Variants in AMT observed in about 807,000 individuals in gnomAD.
The protein encoded by AMT is aminomethyltransferase, also known as aminomethyltransferase, mitochondrial.
AMT carries 24 observed loss-of-function variants against 39.5 expected under a neutral mutation model. The observed-to-expected ratio is 0.61, with a 90% CI of 0.44 to 0.86. The LOEUF (loss-of-function observed/expected upper bound fraction) is 0.86. Among genes scored for constraint, AMT ranks in the 40% least tolerant of loss-of-function variants. AMT has a pLI of 0.00. For missense variants in AMT, 501 were observed against 537.0 expected (o/e 0.93, Z 0.66); for synonymous variants, 210 against 212.1 (o/e 0.99, Z 0.09).
chr3:49,420,299 T>C lies in AMT; in HGVS notation c.383A>G (p.Asp128Gly), dbSNP rs765282744. Residue 128 changes from aspartate to glycine, a missense_variant, in exon 4 of 9, where the codon GAT becomes GGT. Asp to Gly is a moderately conservative substitution (Grantham distance 94, BLOSUM62 -1). Transcript: ENST00000273588. ...AGAAGTATTGGTTACAATCAAGTCA[T>C]CTAAGATGCCTCCAGCCTCGTTGGT... ...LFTNEAGGILDDLIVTNTSEG... is the reference protein window; with the variant it reads ...LFTNEAGGILGDLIVTNTSEG... 2.5e-6 allele frequency: 4 copies of C among 1,614,164 alleles called. No individual in the cohort carries two copies. The Admixed American group carries it at 5.0e-5, about 20-fold the overall frequency.
In AMT at chr3:49,417,869, C is replaced by T. The variant is rs765464808; in HGVS notation, c.982G>A (p.Ala328Thr). 1.2e-6 allele frequency: 2 copies of T among 1,614,054 alleles called. No homozygotes were observed. Among genetic ancestry groups the T allele is most frequent in the Admixed American group, 3.3e-5 (2 of 60,018 alleles). Residue 328 changes from alanine (A) to threonine (T), a missense_variant, in exon 8 of 9, where the codon GCC becomes ACC. By Grantham distance (58) the Ala-to-Thr change is moderately conservative. Coordinates refer to ENST00000273588, the MANE Select transcript of AMT (RefSeq NM_000481.4). ...RRRVGLMCEG[A>T]PMRAHSPILN... ...ATGGGACTGTGTGCCCGCATGGGGGCCCCCTCACACATCAACCCCACACGC... is the reference window on the plus strand; with the variant it reads ...ATGGGACTGTGTGCCCGCATGGGGGTCCCCTCACACATCAACCCCACACGC...
In AMT at chr3:49,422,272, C is replaced by T. The variant is rs2049119534; in HGVS notation, c.91-1G>A. On this transcript the variant is annotated splice_acceptor_variant, in intron 1 of 8. Transcript: ENST00000273588. LOFTEE classifies it high-confidence loss of function. ...AGAGCGGTGTCCTGCGGAGCACCTC[C>T]TGTGGGCGGCTGGGCTTAGTGCCAC... 2.5e-6 allele frequency: 4 copies of T among 1,613,806 alleles called. No individual in the cohort carries two copies. The highest frequency in any genetic ancestry group is 1.7e-5 in the Admixed American group (1 of 59,984).
rs1316093238 is a variant in AMT, at chr3:49,419,420, C to T, written c.551-15G>A. 2 of 1,612,886 alleles carry T rather than the reference C, an allele frequency of 1.2e-6. No homozygotes were observed. The highest frequency in any genetic ancestry group is 2.2e-5 in the East Asian group (1 of 44,856). ...TGCAGTGGGGCCTGGGCCCAGGGAG[C>T]CAGTGACCAAGTATCCAGGTCCCAG... On this transcript the variant is annotated splice_polypyrimidine_tract_variant and intron_variant, in intron 5 of 8. Transcript: ENST00000273588.
At position 49,417,814 on chromosome 3, in the gene AMT, C is replaced by G. The variant is rs1185248735; in HGVS notation, c.1033+4G>C. On this transcript the variant is annotated splice_donor_region_variant and intron_variant, in intron 8 of 8. Coordinates refer to ENST00000273588, the MANE Select transcript of AMT (RefSeq NM_000481.4). ...GGGTTTCCCAGCTTCCCTGGTCCAC[C>G]TACCAATCTTGGTACCCTCCATGTT... 1.2e-6 allele frequency: 2 copies of G among 1,614,014 alleles called. No individual in the cohort carries two copies. Among genetic ancestry groups the G allele is most frequent in the African/African-American group, 2.7e-5 (2 of 74,916 alleles).
rs759853191 is a variant in AMT, at chr3:49,422,429, C to T, written c.22G>A (p.Val8Met). The change falls in exon 1 of 9, where the codon GTG (valine) becomes ATG (methionine). Residue 8 changes from valine (V) to methionine (M), a missense_variant. Transcript: ENST00000273588. ...TGCAGGCGAAAGCCCAGACGGGCCA[C>T]CACACTTACAGCCCTCTGCATCGTC... MQRAVSV[V>M]ARLGFRLQAF... 5 of 1,613,584 alleles carry T rather than the reference C, an allele frequency of 3.1e-6. No individual in the cohort carries two copies. Among genetic ancestry groups the T allele is most frequent in the Admixed American group, 3.3e-5 (2 of 60,008 alleles).
rs2049081972 is a variant in AMT, at chr3:49,420,510, C to T, written c.340-168G>A. ...TGGGCCCAAGTCCAAGGTCTTTGAT[C>T]CTCATGCATCAAGTAAGTTTTCATC... On this transcript the variant is annotated intron_variant, in intron 3 of 8. Transcript: ENST00000273588. The T allele has an allele frequency of 5.2e-6, 5 of 958,804 alleles. No homozygotes were observed. In the South Asian group the frequency reaches 7.1e-5, roughly 14 times the overall value. The allele number at this position is 958,804 out of a possible 1,614,324, so 59.4% of individuals were successfully genotyped here.
At chr3:49,419,579 T>C in intron 5 of AMT, 131 bp downstream of exon 5, 1 of 1,436,420 alleles carries the variant, frequency 7.0e-7, no homozygotes, top group Non-Finnish European at 9.8e-7. Context: ...GAGGGCAAGA[T>C]ACAAAACTTA....
At position 49,417,319 on chromosome 3, in the gene AMT, G is replaced by C. The variant is rs368311082; in HGVS notation, c.*221C>G. ...TCAGTGGGATCATGGACTGAAACAA[G>C]ACATTGTGTGAGCTGGTCCGTCACT... On this transcript the variant is annotated 3_prime_UTR_variant, in exon 9 of 9. Coordinates refer to ENST00000273588, the MANE Select transcript of AMT (RefSeq NM_000481.4). 3 of 1,596,156 alleles carry C rather than the reference G, an allele frequency of 1.9e-6. No individual in the cohort carries two copies. In the African/African-American group the frequency reaches 4.0e-5, roughly 21 times the overall value.
In AMT at chr3:49,417,317, A is replaced by C. The variant is rs2049015363; in HGVS notation, c.*223T>G. 1 of 1,596,420 alleles carries C rather than the reference A, an allele frequency of 6.3e-7. No individual in the cohort carries two copies. The highest frequency in any genetic ancestry group is 1.7e-5 in the Admixed American group (1 of 59,906). The stretch of plus-strand genomic sequence containing the variant: ...GGTCAGTGGGATCATGGACTGAAAC[A>C]AGACATTGTGTGAGCTGGTCCGTCA... On this transcript the variant is annotated 3_prime_UTR_variant, in exon 9 of 9. Coordinates refer to ENST00000273588, the MANE Select transcript of AMT (RefSeq NM_000481.4).
rs764722691 is a variant in AMT at position 49,417,163 on chromosome 3, A to G, written c.*377T>C. On this transcript the variant is annotated 3_prime_UTR_variant, in exon 9 of 9. Transcript: ENST00000273588. ...ATTACCCTTTGCAATGTGAAAAACC[A>G]TGGTGAGGTAGGTTGGGCAGGTTTT... is the stretch of plus-strand genomic sequence containing the variant. 5.5e-5 allele frequency: 58 copies of G among 1,051,242 alleles called. No individual in the cohort carries two copies. The highest frequency in any genetic ancestry group is 1.4e-4 in the African/African-American group (9 of 63,752). The allele number at this position is 1,051,242 out of a possible 1,614,324, so 65.1% of individuals were successfully genotyped here. A position where few individuals can be genotyped will look rare whatever the true frequency, so the allele number is the denominator to read the frequency against.
chr3:49,417,577 A>G lies in AMT; in HGVS notation c.1175T>C (p.Met392Thr). 6.2e-7 allele frequency: 1 copy of G among 1,614,218 alleles called. No individual in the cohort carries two copies. The highest frequency in any genetic ancestry group is 8.5e-7 in the Non-Finnish European group (1 of 1,180,050). ...ATAGTAGTTTGTGGGCACAAAGGGC[A>G]TCTTGCTGACTACAGCCATCTGCTG... ...RKQQMAVVSK[M>T]PFVPTNYYTL... Residue 392 changes from methionine (M) to threonine (T), a missense_variant, in exon 9 of 9, where the codon ATG becomes ACG. Transcript: ENST00000273588.
intron 5 of AMT, 59 bp downstream of exon 5, chr3:49,419,651 A>G: frequency 6.5e-7 from 1 of 1,547,538 alleles, no homozygotes; most frequent in Non-Finnish European, 8.9e-7. Context: ...CTCTGTGCTA[A>G]GCAGTCAATG....
chr3:49,420,046 C>A, intron 4 of AMT, 165 bp downstream of exon 4: 1 of 988,960 alleles, frequency 1.0e-6, no homozygotes, highest in South Asian at 1.5e-5. Flanking sequence ...CACCACCAAA[C>A]CCTGGCGTGC....
At chr3:49,419,439 G>A (rs1406550095) in intron 5 of AMT, 34 bp from the exon 6 acceptor site, 7 of 1,610,268 alleles carry the variant, frequency 4.3e-6, no homozygotes, top group Non-Finnish European at 5.9e-6. Flanking sequence ...AAGTATCCAG[G>A]TCCCAGCATC....
intron 3 of AMT, chr3:49,421,227 A>G (rs2049096819): frequency 2.0e-6 from 1 of 491,374 alleles, no homozygotes; most frequent in South Asian, 2.1e-5. Context: ...TGTTGAATAG[A>G]GAGGGGTTAA....
Position 49,421,491 on chromosome 3 carries a change from C to T in AMT, c.339+1G>A, listed in dbSNP as rs1575308129. 2 of 1,613,612 alleles carry T rather than the reference C, an allele frequency of 1.2e-6. No homozygotes were observed. Among genetic ancestry groups the T allele is most frequent in the African/African-American group, 1.3e-5 (1 of 74,914 alleles). On this transcript the variant is annotated splice_donor_variant, in intron 3 of 8. Transcript: ENST00000273588. LOFTEE classifies it high-confidence loss of function. ...CATAGAGCAGAAATAAAAGGGCCCACCTGGTTTGGTCTTAGCTCTGCAATG... is the reference window on the plus strand; with the variant it reads ...CATAGAGCAGAAATAAAAGGGCCCATCTGGTTTGGTCTTAGCTCTGCAATG...
intron 5 of AMT, 55 bp downstream of exon 5, chr3:49,419,655 G>GTCA: frequency 1.3e-6 from 2 of 1,557,664 alleles, no homozygotes; most frequent in Non-Finnish European, 1.8e-6. Flanking sequence ...GTGCTAAGCA[G>GTCA]TCAATGAAGC....
At chr3:49,420,396 G>C (rs2049080010) in intron 3 of AMT, 54 bp from the exon 4 acceptor site, 4 of 1,613,104 alleles carry the variant, frequency 2.5e-6, no homozygotes, top group Admixed American at 1.7e-5. Context: ...CAAGGCCAAG[G>C]GTGAGCCAGA....
rs1476386576 is a variant in AMT, at chr3:49,422,464, G to T, written c.-14C>A. ...AGCCCTCTGCATCGTCGCCTGCAAC[G>T]AGTGCAGACGGCGCACAGAGGCCAC... is the stretch of plus-strand genomic sequence containing the variant. On this transcript the variant is annotated 5_prime_UTR_variant, in exon 1 of 9. Coordinates refer to ENST00000273588, the MANE Select transcript of AMT (RefSeq NM_000481.4). 18 of 1,611,306 alleles carry T rather than the reference G, an allele frequency of 1.1e-5. No individual in the cohort carries two copies. The highest frequency in any genetic ancestry group is 1.2e-5 in the Non-Finnish European group (14 of 1,179,044).
Sources: allele counts gnomAD v4.1 joint callset, GRCh38; gene constraint gnomAD v4.1.1; transcripts MANE v1.5; gene names NCBI Gene and HGNC (gene_info 2026-07-23, HGNC 2026-07-21).